GPM6B: variants seen among roughly 807,000 people sequenced by gnomAD.
The protein encoded by GPM6B is glycoprotein M6B.
Under a neutral mutation model 27.2 loss-of-function variants are expected in GPM6B, and 4 were observed. The ratio of observed to expected loss-of-function variants is 0.15; its 90% confidence interval spans 0.07 to 0.34. GPM6B has a LOEUF of 0.34. GPM6B is among the 10% of genes least tolerant of loss of function. The probability of loss-of-function intolerance (pLI) is 1.00; values close to 1 mark genes in which losing one functional copy is unlikely to be tolerated. For synonymous variants in GPM6B, 124 were observed against 103.1 expected (o/e 1.20, Z -1.23); for missense variants, 183 against 261.9 (o/e 0.70, Z 2.08).
At chrX:13,927,450 G>A (rs980979819) in intron 1 of GPM6B, among the ~76,000 whole-genome samples, 3 of 112,721 alleles carry the variant, frequency 2.7e-5, no homozygotes, top group Admixed American at 1.9e-4. Flanking sequence ...AAGTATTATT[G>A]TCTAAGTCCA....
intron 1 of GPM6B, among the ~76,000 whole-genome samples, chrX:13,917,817 C>T (rs1304188101): frequency 8.9e-6 from 1 of 112,203 alleles, no homozygotes; most frequent in Non-Finnish European, 1.9e-5. Flanking sequence ...GTTTCGTTGC[C>T]ATTCACTTCC....
chrX:13,787,041 CAAA>C (rs869123073), intron 2 of GPM6B, among the ~76,000 whole-genome samples: 6 of 24,507 alleles, frequency 2.4e-4, no homozygotes, highest in South Asian at 4.4e-3. Flanking sequence ...ATTAAGCCAG[CAAA>C]AAAAAAAAAA....
intron 2 of GPM6B, among the ~76,000 whole-genome samples, chrX:13,798,738 T>C (rs1178732690): frequency 8.9e-6 from 1 of 112,745 alleles, no homozygotes; most frequent in East Asian, 2.8e-4. Flanking sequence ...ACCAATTTCC[T>C]GACTCAAAGC....
chrX:13,878,486 G>A (rs1324778365), intron 1 of GPM6B, among the ~76,000 whole-genome samples: 1 of 111,652 alleles, frequency 9.0e-6, no homozygotes, highest in African/African-American at 3.3e-5. Flanking sequence ...CTACTGAAGG[G>A]CAGCTCTGTG....
chrX:13,865,619 T>C (rs1184307054), intron 1 of GPM6B, among the ~76,000 whole-genome samples: 5 of 94,356 alleles, frequency 5.3e-5, no homozygotes, highest in South Asian at 4.8e-4. Context: ...TAGCTGGGCA[T>C]GGTGGTGCAC....
At chrX:13,850,973 G>C (rs750718992) in intron 1 of GPM6B, among the ~76,000 whole-genome samples, 22 of 109,895 alleles carry the variant, frequency 2.0e-4, no homozygotes, top group Admixed American at 2.9e-4. Flanking sequence ...AGACCAGCCT[G>C]GCCAACTGGT....
Position 13,772,678 on chromosome X carries a change from T to C in GPM6B, c.*203A>G, listed in dbSNP as rs2048322839. 2.8e-6 allele frequency: 1 copy of C among 356,563 alleles called. No individual in the cohort carries two copies. Among genetic ancestry groups the C allele is most frequent in the Non-Finnish European group, 4.9e-6 (1 of 205,104 alleles). The allele number at this position is 356,563 out of a possible 1,213,427, so 29.4% of individuals were successfully genotyped here. On this transcript the variant is annotated 3_prime_UTR_variant, in exon 8 of 8. Coordinates refer to ENST00000316715, the MANE Select transcript of GPM6B (RefSeq NM_001001995.3). ...GTGTTGCCTTTTAAAATGGCTAACA[T>C]GAAACCTCCAATATTTGTTCTAAAG...
At chrX:13,862,236 G>T (rs946105210) in intron 1 of GPM6B, among the ~76,000 whole-genome samples, 2 of 111,615 alleles carry the variant, frequency 1.8e-5, no homozygotes, top group African/African-American at 6.5e-5. Flanking sequence ...CTTCCGGTTG[G>T]TTTTCAGCTG....
chrX:13,876,489 C>T (rs1218799024), intron 1 of GPM6B, among the ~76,000 whole-genome samples: 2 of 111,902 alleles, frequency 1.8e-5, no homozygotes, highest in African/African-American at 6.5e-5. Context: ...CTGGCATGCC[C>T]AGGAGTGGTA....
chrX:13,877,038 G>C (rs927333272), intron 1 of GPM6B, among the ~76,000 whole-genome samples: 6 of 111,015 alleles, frequency 5.4e-5, no homozygotes, highest in African/African-American at 1.6e-4. Context: ...CTGGGTCACA[G>C]GGCAGGAGAG....
At position 13,876,961 on chromosome X, in the gene GPM6B, T is replaced by C. The variant is rs183275861; in HGVS notation, c.-198+61366A>G. 5.4e-3 allele frequency among the ~76,000 whole-genome samples: 604 copies of C among 111,134 alleles called. 3 individuals carry two copies. The highest frequency in any genetic ancestry group is 9.4e-3 in the Non-Finnish European group (496 of 52,935). On this transcript the variant is annotated intron_variant, in intron 1 of 6. Transcript: ENST00000398361. ...GGGGCAGGGCTGTAGTTCATGCAAG[T>C]GCACAGACAAGACCATTTTTTGGAT... is the stretch of plus-strand genomic sequence containing the variant.
At chrX:13,774,775 GCACA>G (rs943753979) in intron 7 of GPM6B, 4 of 444,288 alleles carry the variant, frequency 9.0e-6, no homozygotes, top group African/African-American at 2.4e-5. Flanking sequence ...TTCCTATCTA[GCACA>G]CACAAACTTT....
At chrX:13,797,322 G>T (rs910997124) in intron 2 of GPM6B, among the ~76,000 whole-genome samples, 1 of 111,532 alleles carries the variant, frequency 9.0e-6, no homozygotes, top group African/African-American at 3.3e-5. Flanking sequence ...ACAGGGATAT[G>T]GGGGAGTGAG....
intron 1 of GPM6B, among the ~76,000 whole-genome samples, chrX:13,841,163 T>A (rs1202632738): frequency 1.8e-5 from 2 of 112,080 alleles, no homozygotes; most frequent in Admixed American, 1.9e-4. Context: ...ATATACACAT[T>A]TATACGTACA....
At chrX:13,846,663 TG>T (rs1297115139) in intron 1 of GPM6B, among the ~76,000 whole-genome samples, 1 of 109,635 alleles carries the variant, frequency 9.1e-6, no homozygotes, top group Non-Finnish European at 1.9e-5. Context: ...ACTAAATTTT[TG>T]TATTTTTTTT....
chrX:13,813,724 C>G (rs754327374), intron 1 of GPM6B, among the ~76,000 whole-genome samples: 14 of 112,120 alleles, frequency 1.2e-4, no homozygotes, highest in African/African-American at 4.2e-4. Flanking sequence ...GAAACCGACT[C>G]TCCATCTTTT....
At chrX:13,864,701 C>T (rs1268435731) in intron 1 of GPM6B, among the ~76,000 whole-genome samples, 1 of 111,448 alleles carries the variant, frequency 9.0e-6, no homozygotes, top group Non-Finnish European at 1.9e-5. Context: ...TGGGCATCAC[C>T]CTTCCCACAT....
At chrX:13,877,824 C>CAAAAAAAAAAAAAAAAAAAAAAAAA (rs761891419) in intron 1 of GPM6B, among the ~76,000 whole-genome samples, 3 of 27,466 alleles carry the variant, frequency 1.1e-4, no homozygotes, top group African/African-American at 1.8e-4. Context: ...CAGACTCTGC[C>CAAAAAAAAAAAAAAAAAAAAAAAAA]AAAAAAAAAA....
In GPM6B at chrX:13,887,294, G is replaced by A. The variant is rs761700263; in HGVS notation, c.-198+51033C>T. On this transcript the variant is annotated intron_variant, in intron 1 of 6. Coordinates refer to the GPM6B transcript ENST00000398361. ...TTGGGTTTCTCCTTCAGGAGGGCCT[G>A]TAGGGACATCTTGGGGGAAGATACA... Among the ~76,000 whole-genome samples, 11 of 112,637 alleles carry A rather than the reference G, an allele frequency of 9.8e-5. No homozygotes were observed. The South Asian group carries it at 3.7e-3, about 37-fold the overall frequency.
Sources: gnomAD v4.1 joint callset for allele counts (sites outside exome capture counted in the v4.1 genomes callset) on GRCh38, gnomAD v4.1.1 for gene constraint, MANE v1.5 for transcripts, NCBI Gene and HGNC (gene_info 2026-07-23, HGNC 2026-07-21) for gene names.